Variants in TUBB8 observed in about 807,000 individuals in gnomAD.
TUBB8 encodes the protein tubulin beta 8 class VIII.
In TUBB8, 25 loss-of-function variants were observed where a neutral mutation model predicts 33.7. That is an observed-to-expected ratio of 0.74 (90% CI 0.54 to 1.04). The LOEUF (loss-of-function observed/expected upper bound fraction) is 1.04. Among genes scored for constraint, TUBB8 ranks in the 50% least tolerant of loss-of-function variants. The pLI, the probability that TUBB8 is intolerant of heterozygous loss-of-function variation, is 0.00. For synonymous variants in TUBB8, 245 were observed against 240.1 expected (o/e 1.02, Z -0.19); for missense variants, 279 against 608.0 (o/e 0.46, Z 5.69).
chr10:71,183 C>T (rs1425731329), intron 1 of TUBB8, among the ~76,000 whole-genome samples: 28 of 152,076 alleles, frequency 1.8e-4, no homozygotes, highest in Non-Finnish European at 3.4e-4. Context: ...GGCATCATGG[C>T]ACACACTTGT....
At chr10:57,847 G>T (rs1358697505) in intron 1 of TUBB8, among the ~76,000 whole-genome samples, 6 of 125,204 alleles carry the variant, frequency 4.8e-5, no homozygotes, top group Non-Finnish European at 8.3e-5. Context: ...TCTCTAACAA[G>T]TGATTGCTCC....
intron 1 of TUBB8, among the ~76,000 whole-genome samples, chr10:63,847 T>C (rs1207033270): frequency 3.3e-5 from 5 of 152,304 alleles, no homozygotes; most frequent in Non-Finnish European, 5.9e-5. Context: ...TTGATACTTA[T>C]AGATGTTCAT....
chr10:60,421 T>C lies in TUBB8; in HGVS notation c.-845-10188A>G, dbSNP rs1438242297. On this transcript the variant is annotated intron_variant, in intron 1 of 3. Coordinates refer to the TUBB8 transcript ENST00000564130. Reference sequence around the variant, plus strand: ...TCCATCAAAAAGTGGGCAAAGGACATGAACAGACACTTCTCAAAAGAAGAC... The same window carrying C: ...TCCATCAAAAAGTGGGCAAAGGACACGAACAGACACTTCTCAAAAGAAGAC... Among the ~76,000 whole-genome samples the C allele has an allele frequency of 4.6e-5, 7 of 152,176 alleles. No individual in the cohort carries two copies. In the East Asian group the frequency reaches 5.8e-4, roughly 13 times the overall value.
Position 48,925 on chromosome 10 carries a change from G to A in TUBB8, c.58-13C>T, listed in dbSNP as rs1554738934. The stretch of plus-strand genomic sequence containing the variant: ...TCACCTCCCAGAACTGCAAGAGACG[G>A]GAGGAGACAGACAGGCCGGGGCTGA... On this transcript the variant is annotated splice_polypyrimidine_tract_variant and intron_variant, in intron 1 of 3. Coordinates refer to ENST00000568584, the MANE Select transcript of TUBB8 (RefSeq NM_177987.3). 4 of 1,469,026 alleles carry A rather than the reference G, an allele frequency of 2.7e-6. No individual in the cohort carries two copies. Among genetic ancestry groups the A allele is most frequent in the East Asian group, 4.9e-5 (2 of 40,990 alleles). The allele number at this position is 1,469,026 out of a possible 1,614,324, so 91.0% of individuals were successfully genotyped here. A position where few individuals can be genotyped will look rare whatever the true frequency, so the allele number is the denominator to read the frequency against.
upstream of TUBB8, among the ~76,000 whole-genome samples, chr10:74,356 C>A (rs1245580936): frequency 1.3e-5 from 2 of 151,452 alleles, no homozygotes; most frequent in Non-Finnish European, 3.0e-5. Flanking sequence ...AAGAAGATGA[C>A]CAGTTCACGC....
In TUBB8 at chr10:46,924, A is replaced by G. The variant is rs531366523; in HGVS notation, c.*133T>C. On this transcript the variant is annotated 3_prime_UTR_variant, in exon 4 of 4. Coordinates refer to ENST00000568584, the MANE Select transcript of TUBB8 (RefSeq NM_177987.3). Reference sequence around the variant, plus strand: ...AGAATACTTTATTAGTCAAAACCGCATACTATAAAAATGCTTTAAAACGCA... The same window carrying G: ...AGAATACTTTATTAGTCAAAACCGCGTACTATAAAAATGCTTTAAAACGCA... 0.03 allele frequency: 17,472 copies of G among 583,744 alleles called. 365 individuals are homozygous for G. Among genetic ancestry groups the G allele is most frequent in the Middle Eastern group, 0.051 (114 of 2,232 alleles). 36.2% of individuals were successfully genotyped at this position (583,744 alleles called of 1,614,324 possible). A position where few individuals can be genotyped will look rare whatever the true frequency, so the allele number is the denominator to read the frequency against.
At chr10:57,246 T>C (rs1554740245) in intron 1 of TUBB8, among the ~76,000 whole-genome samples, 10 of 152,234 alleles carry the variant, frequency 6.6e-5, no homozygotes, top group Non-Finnish European at 4.4e-5. Flanking sequence ...TTTTGTGTGC[T>C]TCTGGCTTTT....
chr10:54,798 A>G (rs1588275720), intron 1 of TUBB8, among the ~76,000 whole-genome samples: 2 of 152,258 alleles, frequency 1.3e-5, no homozygotes, highest in South Asian at 4.2e-4. Flanking sequence ...TTGCTCTGTC[A>G]CCCAGGCTGG....
chr10:62,567 T>C (rs1290014426), intron 1 of TUBB8, among the ~76,000 whole-genome samples: 3 of 152,268 alleles, frequency 2.0e-5, no homozygotes, highest in Admixed American at 1.3e-4. Flanking sequence ...TGTTTTTCCA[T>C]GTGCTATTAC....
chr10:63,000 C>A (rs1834623000), intron 1 of TUBB8, among the ~76,000 whole-genome samples: 1 of 152,026 alleles, frequency 6.6e-6, no homozygotes, highest in African/African-American at 2.4e-5. Flanking sequence ...TGTTCTGTAA[C>A]TTTCTTGTAC....
chr10:49,496 G>A (rs1332500689), upstream of TUBB8: 24 of 674,818 alleles, frequency 3.6e-5, no homozygotes, highest in Non-Finnish European at 5.2e-5. Flanking sequence ...GCTCGCTGGA[G>A]AACTTCCTCC....
chr10:68,332 A>G (rs1857350786), intron 1 of TUBB8, among the ~76,000 whole-genome samples: 1 of 152,212 alleles, frequency 6.6e-6, no homozygotes, highest in Non-Finnish European at 1.5e-5. Flanking sequence ...CTGATGGGAC[A>G]CCTGCAATAC....
upstream of TUBB8, among the ~76,000 whole-genome samples, chr10:51,884 A>G (rs1362494341): frequency 6.6e-6 from 1 of 152,204 alleles, no homozygotes; most frequent in Non-Finnish European, 1.5e-5. Flanking sequence ...GCTAAAAGTC[A>G]GAGGATCGCT....
chr10:50,957 T>G (rs1834461461), upstream of TUBB8, among the ~76,000 whole-genome samples: 1 of 152,222 alleles, frequency 6.6e-6, no homozygotes, highest in South Asian at 2.1e-4. Context: ...AATCAATTTG[T>G]TTCATAACCT....
At chr10:48,481 C>T (rs1834401885) in intron 3 of TUBB8, 134 bp downstream of exon 3, 1 of 853,896 alleles carries the variant, frequency 1.2e-6, no homozygotes, top group Non-Finnish European at 1.9e-6. Flanking sequence ...GCAGATTGAG[C>T]GACTCGACTC....
intron 1 of TUBB8, among the ~76,000 whole-genome samples, chr10:71,596 G>C (rs1373651378): frequency 1.3e-5 from 2 of 151,762 alleles, no homozygotes; most frequent in African/African-American, 4.8e-5. Flanking sequence ...ACTCCAGCCT[G>C]AGAAGAAAAA....
chr10:71,390 T>C (rs1304565745), intron 1 of TUBB8, among the ~76,000 whole-genome samples: 4 of 152,062 alleles, frequency 2.6e-5, no homozygotes, highest in Middle Eastern at 3.4e-3. Context: ...CCCCAGCACT[T>C]TGGGGAGGCC....
At chr10:53,230 T>C (rs1465580135), upstream of TUBB8, among the ~76,000 whole-genome samples, 1 of 152,148 alleles carries the variant, frequency 6.6e-6, no homozygotes, top group Non-Finnish European at 1.5e-5. Context: ...CAGGTTCAAG[T>C]GATTCTCCTG....
intron 1 of TUBB8, among the ~76,000 whole-genome samples, chr10:64,516 TA>T (rs1268501852): frequency 0.15 from 18,599 of 124,450 alleles, no homozygotes; most frequent in African/African-American, 0.27. Flanking sequence ...ACCCTCACCC[TA>T]ACCCTTAACC....
Sources: gnomAD v4.1 joint callset for allele counts (sites outside exome capture counted in the v4.1 genomes callset) on GRCh38, gnomAD v4.1.1 for gene constraint, MANE v1.5 for transcripts, NCBI Gene and HGNC (gene_info 2026-07-23, HGNC 2026-07-21) for gene names.